PIK3AP1: variants seen among roughly 807,000 people sequenced by gnomAD.
The protein encoded by PIK3AP1 is phosphoinositide 3-kinase adapter protein 1.
Under a neutral mutation model 88.1 loss-of-function variants are expected in PIK3AP1, and 21 were observed. The ratio of observed to expected loss-of-function variants is 0.24; its 90% confidence interval spans 0.17 to 0.34. The LOEUF (loss-of-function observed/expected upper bound fraction) is 0.34. PIK3AP1 is among the 10% of genes least tolerant of loss of function. The pLI, the probability that PIK3AP1 is intolerant of heterozygous loss-of-function variation, is 1.00. For missense variants in PIK3AP1, 828 were observed against 1,035.7 expected (o/e 0.80, Z 2.75); for synonymous variants, 398 against 400.0 (o/e 1.00, Z 0.06).
At chr10:96,712,099 G>T (rs969432734) in intron 1 of PIK3AP1, among the ~76,000 whole-genome samples, 2 of 152,056 alleles carry the variant, frequency 1.3e-5, no homozygotes, top group African/African-American at 4.8e-5. Context: ...AATGTTTGCA[G>T]TTTCATTCTG....
intron 2 of PIK3AP1, among the ~76,000 whole-genome samples, chr10:96,666,210 G>C (rs1340171090): frequency 6.6e-6 from 1 of 152,170 alleles, no homozygotes. Flanking sequence ...ACAAGGTCAG[G>C]AGATCGAGAC....
intron 2 of PIK3AP1, among the ~76,000 whole-genome samples, chr10:96,707,036 A>T (rs751002468): frequency 1.3e-5 from 2 of 152,296 alleles, no homozygotes; most frequent in Admixed American, 1.3e-4. Context: ...TAAGCAGCTT[A>T]TTTTAATCTC....
chr10:96,624,038 TAAGATGACATGGTG>T (rs751283458), intron 10 of PIK3AP1, among the ~76,000 whole-genome samples: 122 of 152,328 alleles, frequency 8.0e-4, no homozygotes, highest in Non-Finnish European at 1.5e-3. Flanking sequence ...CACTTAGTGG[TAAGATGACATGGTG>T]ATTATGGCTC....
chr10:96,672,015 G>A (rs911012394), intron 2 of PIK3AP1, among the ~76,000 whole-genome samples: 2 of 151,878 alleles, frequency 1.3e-5, no homozygotes, highest in African/African-American at 4.8e-5. Flanking sequence ...CTCCAGCCTG[G>A]GAAACAAAGT....
At chr10:96,693,717 G>T (rs1330188864) in intron 2 of PIK3AP1, among the ~76,000 whole-genome samples, 1 of 152,194 alleles carries the variant, frequency 6.6e-6, no homozygotes, top group Admixed American at 6.5e-5. Flanking sequence ...TTGTGCAACT[G>T]TTGGACTCTG....
intron 8 of PIK3AP1, among the ~76,000 whole-genome samples, chr10:96,634,294 C>T (rs997802286): frequency 6.6e-6 from 1 of 152,086 alleles, no homozygotes; most frequent in Non-Finnish European, 1.5e-5. Flanking sequence ...GGGGAAGACC[C>T]GAAGTCAGGA....
chr10:96,666,591 G>T (rs1843766226), intron 2 of PIK3AP1, among the ~76,000 whole-genome samples: 1 of 151,960 alleles, frequency 6.6e-6, no homozygotes, highest in Non-Finnish European at 1.5e-5. Flanking sequence ...ATATATGTAT[G>T]CATTTGGACC....
chr10:96,595,751 A>G, intron 16 of PIK3AP1, 117 bp from the exon 17 acceptor site: 4 of 928,460 alleles, frequency 4.3e-6, no homozygotes, highest in Non-Finnish European at 6.8e-6. Flanking sequence ...CCTCAATGAG[A>G]CAGGACACAC....
At chr10:96,653,394 A>G (rs1843568894) in intron 3 of PIK3AP1, among the ~76,000 whole-genome samples, 1 of 137,724 alleles carries the variant, frequency 7.3e-6, no homozygotes, top group African/African-American at 2.7e-5. Flanking sequence ...AACAGAGGCA[A>G]GGCTCTGTCT....
intron 8 of PIK3AP1, among the ~76,000 whole-genome samples, chr10:96,637,324 A>T (rs1255318343): frequency 1.4e-5 from 2 of 144,914 alleles, no homozygotes; most frequent in African/African-American, 5.6e-5. Flanking sequence ...TCACACACAC[A>T]CACACACACA....
intron 15 of PIK3AP1, among the ~76,000 whole-genome samples, 194 bp from the exon 16 acceptor site, chr10:96,602,592 A>G (rs763797421): frequency 6.6e-6 from 1 of 152,192 alleles, no homozygotes; most frequent in Non-Finnish European, 1.5e-5. Context: ...GAGGAAGACA[A>G]TCTGGCCCCA....
At chr10:96,665,292 T>C (rs1843745561) in intron 2 of PIK3AP1, among the ~76,000 whole-genome samples, 1 of 152,338 alleles carries the variant, frequency 6.6e-6, no homozygotes, top group East Asian at 1.9e-4. Context: ...TTGAATTCTA[T>C]GGCAGGAAAA....
chr10:96,620,110 G>T (rs1843055671), intron 12 of PIK3AP1, among the ~76,000 whole-genome samples: 1 of 152,160 alleles, frequency 6.6e-6, no homozygotes, highest in South Asian at 2.1e-4. Context: ...TTGAGTCTTT[G>T]TTCCTGATCT....
chr10:96,624,906 G>A lies in PIK3AP1; in HGVS notation c.1670-1369C>T, dbSNP rs530515168. 5.9e-5 allele frequency among the ~76,000 whole-genome samples: 9 copies of A among 152,268 alleles called. No individual in the cohort carries two copies. The East Asian group carries it at 1.3e-3, about 23-fold the overall frequency. Reference sequence around the variant, plus strand: ...CTACAATGAGCCATGCCATCAGTACGGTTCCCTACTCCCTCTGCTATTTAG... The same window carrying A: ...CTACAATGAGCCATGCCATCAGTACAGTTCCCTACTCCCTCTGCTATTTAG... On this transcript the variant is annotated intron_variant, in intron 10 of 16. Transcript: ENST00000339364.
At chr10:96,694,709 C>T (rs1337216321) in intron 2 of PIK3AP1, among the ~76,000 whole-genome samples, 2 of 151,886 alleles carry the variant, frequency 1.3e-5, no homozygotes, top group Non-Finnish European at 2.9e-5. Flanking sequence ...AATTATTTTA[C>T]TTTATTTTTG....
chr10:96,634,208 C>T (rs549236277), intron 8 of PIK3AP1, among the ~76,000 whole-genome samples: 6 of 152,150 alleles, frequency 3.9e-5, no homozygotes, highest in Admixed American at 1.3e-4. Context: ...TAAAGCCAGA[C>T]GATCCGAGGC....
rs1844480347 is a variant in PIK3AP1 at position 96,714,710 on chromosome 10, A to C, written c.14-4727T>G. On this transcript the variant is annotated intron_variant, in intron 1 of 16. Transcript: ENST00000339364. ...CTCAAACAAAAATTCAATGACAGGC[A>C]TATGTCAAAGGAACACGAGTCAACT... is the stretch of plus-strand genomic sequence containing the variant. 3.3e-5 allele frequency among the ~76,000 whole-genome samples: 5 copies of C among 152,268 alleles called. No homozygotes were observed. The South Asian group carries it at 1.0e-3, about 31-fold the overall frequency.
intron 13 of PIK3AP1, 107 bp downstream of exon 13, chr10:96,616,532 G>C (rs1237824201): frequency 4.3e-6 from 5 of 1,151,388 alleles, no homozygotes; most frequent in Non-Finnish European, 6.6e-6. Context: ...AGTATGACGA[G>C]TGCTGGGCAA....
chr10:96,626,671 A>G, intron 10 of PIK3AP1, 37 bp downstream of exon 10: 2 of 1,601,350 alleles, frequency 1.2e-6, no homozygotes, highest in African/African-American at 2.7e-5. Flanking sequence ...GAGAAGCTCC[A>G]AAGACCCAGT....
Sources: gnomAD v4.1 joint callset for allele counts (sites outside exome capture counted in the v4.1 genomes callset) on GRCh38, gnomAD v4.1.1 for gene constraint, MANE v1.5 for transcripts, NCBI Gene and HGNC (gene_info 2026-07-23, HGNC 2026-07-21) for gene names.